NUMB: variants seen among roughly 807,000 people sequenced by gnomAD.
NUMB encodes NUMB endocytic adaptor protein.
Under a neutral mutation model 59.7 loss-of-function variants are expected in NUMB, and 29 were observed. That is an observed-to-expected ratio of 0.49 (90% CI 0.36 to 0.66). The LOEUF (loss-of-function observed/expected upper bound fraction) is 0.66. Among genes scored for constraint, NUMB ranks in the 30% least tolerant of loss-of-function variants. The probability of loss-of-function intolerance (pLI) is 0.00; values close to 1 mark genes in which losing one functional copy is unlikely to be tolerated. For synonymous variants in NUMB, 288 were observed against 288.2 expected, an observed-to-expected ratio of 1.00 and a Z score of 0.01; for missense variants, 723 against 822.0, an observed-to-expected ratio of 0.88 and a Z score of 1.47.
chr14:73,419,663 G>A (rs1158090180), intron 1 of NUMB, among the ~76,000 whole-genome samples: 2 of 152,070 alleles, frequency 1.3e-5, no homozygotes, highest in Non-Finnish European at 2.9e-5. Context: ...GTAAAACGGG[G>A]AGCTAAGTCT....
intron 1 of NUMB, among the ~76,000 whole-genome samples, chr14:73,413,065 ATTATTT>A (rs1896965561): frequency 2.0e-5 from 3 of 151,446 alleles, no homozygotes; most frequent in African/African-American, 4.8e-5. Flanking sequence ...TTTATTTTTT[ATTATTT>A]TTATTTTTAT....
intron 3 of NUMB, among the ~76,000 whole-genome samples, chr14:73,362,943 G>A (rs1437148947): frequency 6.6e-6 from 1 of 151,836 alleles, no homozygotes; most frequent in Non-Finnish European, 1.5e-5. Flanking sequence ...GAGTCTAGGA[G>A]TTCAATACCA....
chr14:73,357,885 C>G (rs527261124), intron 3 of NUMB, among the ~76,000 whole-genome samples: 1 of 139,168 alleles, frequency 7.2e-6, no homozygotes, highest in Admixed American at 6.9e-5. Flanking sequence ...TCCTGAGGCC[C>G]CCCCCAAAAA....
At chr14:73,304,294 ACT>A (rs1232181175) in intron 6 of NUMB, among the ~76,000 whole-genome samples, 1 of 151,372 alleles carries the variant, frequency 6.6e-6, no homozygotes, top group Non-Finnish European at 1.5e-5. Context: ...AGTAGAAACC[ACT>A]GTTTCTTTCT....
chr14:73,385,354 C>G (rs1369587700), intron 2 of NUMB, among the ~76,000 whole-genome samples: 1 of 139,880 alleles, frequency 7.1e-6, no homozygotes, highest in Non-Finnish European at 1.5e-5. Flanking sequence ...CGCTTTGTTG[C>G]CCAAGCTGAT....
intron 1 of NUMB, among the ~76,000 whole-genome samples, chr14:73,414,146 G>C (rs1009083362): frequency 6.6e-6 from 1 of 151,718 alleles, no homozygotes; most frequent in African/African-American, 2.4e-5. Flanking sequence ...TAGTAGAGAC[G>C]GGGTTTCACC....
intron 2 of NUMB, among the ~76,000 whole-genome samples, chr14:73,380,586 T>C (rs1223560828): frequency 6.6e-6 from 1 of 152,202 alleles, no homozygotes; most frequent in Non-Finnish European, 1.5e-5. Context: ...TCATTTCTTA[T>C]ACTATTTGTT....
intron 1 of NUMB, among the ~76,000 whole-genome samples, chr14:73,427,401 G>A (rs1442468462): frequency 6.6e-6 from 1 of 151,940 alleles, no homozygotes; most frequent in African/African-American, 2.4e-5. Context: ...GGAGGCAGAG[G>A]TTGCAGTGAG....
chr14:73,406,674 T>C (rs1213086838), intron 2 of NUMB, among the ~76,000 whole-genome samples: 2 of 152,142 alleles, frequency 1.3e-5, no homozygotes, highest in Non-Finnish European at 2.9e-5. Flanking sequence ...TGCCACACTG[T>C]CTTCCACGAT....
At chr14:73,323,466 A>C (rs1368327679) in intron 4 of NUMB, among the ~76,000 whole-genome samples, 1 of 152,234 alleles carries the variant, frequency 6.6e-6, no homozygotes, top group African/African-American at 2.4e-5. Context: ...CATAGGAATA[A>C]GATTTAGAAT....
chr14:73,350,642 C>T (rs572064640), intron 4 of NUMB, among the ~76,000 whole-genome samples: 319 of 151,432 alleles, frequency 2.1e-3, no homozygotes, highest in African/African-American at 7.3e-3. Context: ...AGTGACCTTC[C>T]CACCTCAGCC....
chr14:73,397,796 T>C (rs1896208595), intron 2 of NUMB, among the ~76,000 whole-genome samples: 1 of 152,156 alleles, frequency 6.6e-6, no homozygotes, highest in African/African-American at 2.4e-5. Context: ...TCTATAAAGG[T>C]TTGGATTAAG....
intron 1 of NUMB, among the ~76,000 whole-genome samples, chr14:73,438,630 CA>C (rs35633693): frequency 0.014 from 910 of 66,744 alleles, 2 homozygotes; most frequent in African/African-American, 0.043. Context: ...GACTCTGCCT[CA>C]AAAAAAAAAA....
chr14:73,307,528 G>A (rs188027716), intron 6 of NUMB, among the ~76,000 whole-genome samples: 5 of 152,154 alleles, frequency 3.3e-5, no homozygotes, highest in Admixed American at 1.3e-4. Context: ...AAGCGTGCCT[G>A]GTTTGTTTAA....
intron 4 of NUMB, among the ~76,000 whole-genome samples, chr14:73,334,525 GT>G (rs1234139822): frequency 1.3e-5 from 2 of 152,176 alleles, no homozygotes; most frequent in Non-Finnish European, 2.9e-5. Context: ...TAAAGAGACA[GT>G]TTTTGGTTTT....
chr14:73,377,418 A>G (rs1895004956), intron 2 of NUMB, among the ~76,000 whole-genome samples: 1 of 152,072 alleles, frequency 6.6e-6, no homozygotes, highest in African/African-American at 2.4e-5. Context: ...GGGCAGGCAG[A>G]TCACTTGAGG....
chr14:73,432,967 G>T (rs1012069399), intron 1 of NUMB, among the ~76,000 whole-genome samples: 16 of 152,208 alleles, frequency 1.1e-4, no homozygotes, highest in Non-Finnish European at 2.9e-5. Context: ...CACTTTGGGA[G>T]GCTGAGGCAG....
intron 1 of NUMB, among the ~76,000 whole-genome samples, chr14:73,411,684 A>G (rs1224590653): frequency 6.6e-6 from 1 of 152,154 alleles, no homozygotes; most frequent in Non-Finnish European, 1.5e-5. Context: ...AGTTTATTAG[A>G]AAAAATAACG....
At chr14:73,353,797 A>G (rs376346009) in intron 4 of NUMB, among the ~76,000 whole-genome samples, 1 of 151,944 alleles carries the variant, frequency 6.6e-6, no homozygotes, top group Non-Finnish European at 1.5e-5. Flanking sequence ...CAAGCAACCA[A>G]TGTGCCTCCT....
Sources: gnomAD v4.1 joint callset for allele counts (sites outside exome capture counted in the v4.1 genomes callset) on GRCh38, gnomAD v4.1.1 for gene constraint, MANE v1.5 for transcripts, NCBI Gene and HGNC (gene_info 2026-07-23, HGNC 2026-07-21) for gene names.